PNPLA7: variants seen among roughly 807,000 people sequenced by gnomAD.
The protein encoded by PNPLA7 is patatin-like phospholipase domain-containing protein 7.
Under a neutral mutation model 161.7 loss-of-function variants are expected in PNPLA7, and 153 were observed. The observed-to-expected ratio is 0.95, with a 90% confidence interval of 0.83 to 1.08. The LOEUF (loss-of-function observed/expected upper bound fraction) is 1.08, where lower values mean the gene tolerates loss of function less well. Ranked by LOEUF, PNPLA7 falls within the 50% of genes least tolerant of loss-of-function variation. The pLI is 0.00. For synonymous variants in PNPLA7, 809 were observed against 782.1 expected (o/e 1.03, Z -0.57); for missense variants, 1,739 against 1,856.6 (o/e 0.94, Z 1.16).
intron 15 of PNPLA7, among the ~76,000 whole-genome samples, chr9:137,501,295 C>T (rs373522326): frequency 2.0e-5 from 3 of 152,320 alleles, no homozygotes; most frequent in Non-Finnish European, 2.9e-5. Context: ...CCCCGGCACA[C>T]GCCACGCGTT....
chr9:137,495,117 C>G lies in PNPLA7; in HGVS notation c.2043G>C (p.Ala681=). The change falls in exon 19 of 35, where the codon GCG becomes GCC. Residue 681 remains alanine (A), a synonymous_variant. Transcript: ENST00000406427. The part of the protein sequence containing the change: ...VVETLTHQAR[A]TTVHAVRDSE... ...AGTCCCGAACGGCATGCACCGTGGT[C>G]GCCCGGGCCTGGTGGGTCAGTGTCT... The G allele has an allele frequency of 6.2e-7, 1 of 1,606,214 alleles. No homozygotes were observed. Among genetic ancestry groups the G allele is most frequent in the Non-Finnish European group, 8.5e-7 (1 of 1,178,958 alleles).
intron 6 of PNPLA7, 73 bp from the exon 7 acceptor site, chr9:137,542,874 C>T (rs1053108593): frequency 3.3e-6 from 5 of 1,511,124 alleles, no homozygotes; most frequent in Non-Finnish European, 4.5e-6. Context: ...GTCTCGAGAG[C>T]ACACGGTCAC....
chr9:137,481,749 G>T (rs1456301174), intron 21 of PNPLA7, among the ~76,000 whole-genome samples: 1 of 152,148 alleles, frequency 6.6e-6, no homozygotes, highest in African/African-American at 2.4e-5. Context: ...GAGGTCAGGA[G>T]ATCCGGTGAA....
In PNPLA7 at chr9:137,460,059, TG is replaced by T. The variant is rs1478044085; in HGVS notation, c.*333del. The T allele has an allele frequency of 3.5e-6, 1 of 286,988 alleles. No homozygotes were observed. Among genetic ancestry groups the T allele is most frequent in the South Asian group, 3.5e-5 (1 of 28,526 alleles). The allele number at this position is 286,988 out of a possible 1,614,324, so 17.8% of individuals were successfully genotyped here. A position where few individuals can be genotyped will look rare whatever the true frequency, so the allele number is the denominator to read the frequency against. On this transcript the variant is annotated 3_prime_UTR_variant, in exon 35 of 35. Transcript: ENST00000406427. ...GGACAGCAGGCAGTTCACAGGGCTT[TG>T]GGGGCCTCACAGGGCAGCAGGTGGT...
At chr9:137,501,125 C>T (rs748560383) in intron 15 of PNPLA7, among the ~76,000 whole-genome samples, 13 of 152,176 alleles carry the variant, frequency 8.5e-5, no homozygotes, top group Non-Finnish European at 1.5e-4. Context: ...TGCAGCGAGC[C>T]GGGCCTCGGA....
chr9:137,527,751 G>C (rs891573020), intron 8 of PNPLA7, among the ~76,000 whole-genome samples: 1 of 152,156 alleles, frequency 6.6e-6, no homozygotes, highest in Non-Finnish European at 1.5e-5. Context: ...TTAGGGTATT[G>C]CTACCCTCAA....
chr9:137,462,889 G>C (rs1176367742), intron 29 of PNPLA7, 56 bp from the exon 30 acceptor site: 2 of 1,600,106 alleles, frequency 1.2e-6, no homozygotes, highest in Non-Finnish European at 1.7e-6. Flanking sequence ...GCCAGGGGAC[G>C]GGGGCAGAGC....
Position 137,520,285 on chromosome 9 carries a change from C to T in PNPLA7, c.958-242G>A, listed in dbSNP as rs943976201. ...CTACATTTCAGGCAATGGAAAGAGG[C>T]CGATCATCAACCCAGAAATCCAGTT... On this transcript the variant is annotated intron_variant, in intron 10 of 34. Coordinates refer to ENST00000406427, the MANE Select transcript of PNPLA7 (RefSeq NM_001098537.3). The surrounding 1 kb of genome is among the most constrained non-coding windows in gnomAD (Gnocchi z 5.2). Among the ~76,000 whole-genome samples, 2 of 152,060 alleles carry T rather than the reference C, an allele frequency of 1.3e-5. No individual in the cohort carries two copies. Among genetic ancestry groups the T allele is most frequent in the African/African-American group, 4.8e-5 (2 of 41,386 alleles).
At chr9:137,472,267 T>A (rs559836243) in intron 25 of PNPLA7, among the ~76,000 whole-genome samples, 1 of 152,066 alleles carries the variant, frequency 6.6e-6, no homozygotes, top group East Asian at 1.9e-4. Flanking sequence ...CTGAAGAAAT[T>A]CCTGAGACTG....
In PNPLA7 at chr9:137,460,678, A is replaced by G. The variant is rs1316643679; in HGVS notation, c.3901T>C (p.Tyr1301His). The change falls in exon 34 of 35, where the codon TAC becomes CAC. Residue 1301 changes from tyrosine (Y) to histidine (H), a missense_variant. Coordinates refer to ENST00000406427, the MANE Select transcript of PNPLA7 (RefSeq NM_001098537.3). Reference protein sequence around the residue: ...EELLDVPRDAYADFQSTSAQQ... With the variant: ...EELLDVPRDAHADFQSTSAQQ... ...GCTGAGGTGCTCTGGAAGTCTGCGTATGCATCCCTGGGGACGTCCAGCAGC... is the reference window on the plus strand; with the variant it reads ...GCTGAGGTGCTCTGGAAGTCTGCGTGTGCATCCCTGGGGACGTCCAGCAGC... The G allele has an allele frequency of 6.2e-7, 1 of 1,612,844 alleles. No individual in the cohort carries two copies. Among genetic ancestry groups the G allele is most frequent in the Admixed American group, 1.7e-5 (1 of 60,014 alleles).
intron 14 of PNPLA7, among the ~76,000 whole-genome samples, chr9:137,504,192 G>A (rs965406966): frequency 8.7e-6 from 1 of 114,564 alleles, no homozygotes; most frequent in East Asian, 3.1e-4. Context: ...GAAGGAAGAA[G>A]AAGAGGAAGA....
chr9:137,463,675 G>C, intron 28 of PNPLA7, 144 bp from the exon 29 acceptor site: 1 of 631,252 alleles, frequency 1.6e-6, no homozygotes, highest in Non-Finnish European at 2.7e-6. Context: ...ATGGCCCAAG[G>C]GCTGAACAAA....
At chr9:137,495,210 C>A (rs888455182) in intron 18 of PNPLA7, 64 bp from the exon 19 acceptor site, 182 of 1,217,792 alleles carry the variant, frequency 1.5e-4, no homozygotes, top group Non-Finnish European at 2.0e-4. Context: ...TGGACCTGTC[C>A]CTGACAGCCT....
At chr9:137,496,742 AAC>A (rs1833080148) in intron 18 of PNPLA7, among the ~76,000 whole-genome samples, 1 of 152,110 alleles carries the variant, frequency 6.6e-6, no homozygotes, top group South Asian at 2.1e-4. Flanking sequence ...ACAAAACAAA[AAC>A]ACAAATCGGC....
At chr9:137,514,354 G>A (rs1266476579) in intron 12 of PNPLA7, among the ~76,000 whole-genome samples, 1 of 142,346 alleles carries the variant, frequency 7.0e-6, no homozygotes. Flanking sequence ...GGCTGCGGGC[G>A]GGTCACCCGG....
At chr9:137,493,777 A>G (rs1260016633) in intron 19 of PNPLA7, among the ~76,000 whole-genome samples, 2 of 152,238 alleles carry the variant, frequency 1.3e-5, no homozygotes, top group African/African-American at 2.4e-5. Flanking sequence ...AAGATGGAGG[A>G]GTGGCCTGGC....
chr9:137,471,743 A>G (rs1190383272), intron 25 of PNPLA7, among the ~76,000 whole-genome samples: 4 of 151,992 alleles, frequency 2.6e-5, no homozygotes, highest in Non-Finnish European at 5.9e-5. Context: ...GCCTAAGTAC[A>G]TGGGGAGATC....
chr9:137,518,289 CCACT>C (rs1402221355), intron 11 of PNPLA7, among the ~76,000 whole-genome samples: 32 of 138,142 alleles, frequency 2.3e-4, no homozygotes, highest in African/African-American at 8.4e-4. Flanking sequence ...ACTCCATCCC[CCACT>C]CACTGACTCC....
At chr9:137,471,375 C>A (rs1044641751) in intron 25 of PNPLA7, among the ~76,000 whole-genome samples, 1 of 152,026 alleles carries the variant, frequency 6.6e-6, no homozygotes, top group Non-Finnish European at 1.5e-5. Context: ...CCAAGGCGGG[C>A]GGATCATGAG....
Sources: gnomAD v4.1 joint callset for allele counts (sites outside exome capture counted in the v4.1 genomes callset) on GRCh38, gnomAD v4.1.1 for gene constraint, Gnocchi (gnomAD v3.1) non-coding constraint, MANE v1.5 for transcripts, NCBI Gene and HGNC (gene_info 2026-07-23, HGNC 2026-07-21) for gene names.